ZBED5: variants seen among roughly 807,000 people sequenced by gnomAD.
ZBED5 encodes the protein zinc finger BED-type containing 5.
Under a neutral mutation model 49.2 loss-of-function variants are expected in ZBED5, and 29 were observed. That is an observed-to-expected ratio of 0.59 (90% CI 0.44 to 0.80). The LOEUF (loss-of-function observed/expected upper bound fraction) is 0.80, where lower values mean the gene tolerates loss of function less well. ZBED5 is among the 30% of genes least tolerant of loss of function. The pLI, the probability that ZBED5 is intolerant of heterozygous loss-of-function variation, is 0.00. For missense variants in ZBED5, 775 were observed against 812.9 expected, an observed-to-expected ratio of 0.95 and a Z score of 0.57; for synonymous variants, 281 against 292.5, an observed-to-expected ratio of 0.96 and a Z score of 0.40.
In ZBED5 at chr11:10,853,647, C is replaced by T; in HGVS notation, c.1299G>A (p.Arg433=). 1 of 1,551,624 alleles carries T rather than the reference C, an allele frequency of 6.4e-7. No homozygotes were observed. Among genetic ancestry groups the T allele is most frequent in the East Asian group, 2.4e-5 (1 of 40,924 alleles). The change falls in exon 3 of 3, where the codon AGG becomes AGA. Residue 433 remains arginine (R), a synonymous_variant. Coordinates refer to ENST00000413761, the MANE Select transcript of ZBED5 (RefSeq NM_001143667.2). This position sits in a 1 kb window ranked among gnomAD's most constrained non-coding sequence, Gnocchi z 5.4. The stretch of plus-strand genomic sequence containing the variant: ...CAAGAACTTTACCTCGAGAAAGCCA[C>T]CTCACCTCTGTATTTAGAAGAAGTG... ...HTALLLNTEV[R]WLSRGKVLVR...
intron 1 of ZBED5, among the ~76,000 whole-genome samples, chr11:10,856,496 A>C (rs1460825956): frequency 6.6e-6 from 1 of 152,202 alleles, no homozygotes; most frequent in Non-Finnish European, 1.5e-5. Flanking sequence ...TCATAGAAAC[A>C]TGTTAAAACA....
Position 10,852,771 on chromosome 11 carries a change from T to C in ZBED5, c.*93A>G, listed in dbSNP as rs1397886032. 5 of 1,407,286 alleles carry C rather than the reference T, an allele frequency of 3.6e-6. No homozygotes were observed. Among genetic ancestry groups the C allele is most frequent in the Non-Finnish European group, 4.6e-6 (5 of 1,078,470 alleles). 87.2% of individuals were successfully genotyped at this position (1,407,286 alleles called of 1,614,324 possible). A position where few individuals can be genotyped will look rare whatever the true frequency, so the allele number is the denominator to read the frequency against. ...ATAGTATAAAAAAATGGAATCATTT[T>C]ATTTAAATCCCCCAAATACCAGAGA... On this transcript the variant is annotated 3_prime_UTR_variant, in exon 3 of 3. Coordinates refer to ENST00000413761, the MANE Select transcript of ZBED5 (RefSeq NM_001143667.2).
chr11:10,853,219 T>C lies in ZBED5; in HGVS notation c.1727A>G (p.Asn576Ser). 6.4e-7 allele frequency: 1 copy of C among 1,551,544 alleles called. No homozygotes were observed. The highest frequency in any genetic ancestry group is 8.7e-7 in the Non-Finnish European group (1 of 1,146,852). ...VTNDNNAWVR[N>S]PFTVTVKPAS... is the part of the protein sequence containing the mutation. ...TGGTTTAACAGTAACTGTAAATGGA[T>C]TTCTAACCCAAGCATTATTGTCATT... Residue 576 changes from asparagine to serine, a missense_variant, in exon 3 of 3, where the codon AAT (asparagine) becomes AGT (serine). Physicochemically the swap from Asn to Ser is conservative, Grantham distance 46. Coordinates refer to ENST00000413761, the MANE Select transcript of ZBED5 (RefSeq NM_001143667.2). This position sits in a 1 kb window ranked among gnomAD's most constrained non-coding sequence, Gnocchi z 5.4.
Position 10,853,712 on chromosome 11 carries a change from A to G in ZBED5, c.1234T>C (p.Leu412=). 1 of 1,551,616 alleles carries G rather than the reference A, an allele frequency of 6.4e-7. No homozygotes were observed. The highest frequency in any genetic ancestry group is 1.2e-5 in the South Asian group (1 of 84,060). ...IKARPHQSRL[L]KILCEEMGAQ... ...CCCATTTCCTCACATAAAATTTTTA[A>G]TAGTCTGGATTGATGTGGTCGAGCT... The change falls in exon 3 of 3, where the codon TTA becomes CTA. Residue 412 remains leucine, a synonymous_variant. Transcript: ENST00000413761. This position sits in a 1 kb window ranked among gnomAD's most constrained non-coding sequence, Gnocchi z 5.4.
Position 10,853,968 on chromosome 11 carries a change from A to G in ZBED5, c.978T>C (p.Ser326=). 2 of 1,551,564 alleles carry G rather than the reference A, an allele frequency of 1.3e-6. No homozygotes were observed. The highest frequency in any genetic ancestry group is 1.7e-6 in the Non-Finnish European group (2 of 1,146,932). Residue 326 remains serine (S), a synonymous_variant, in exon 3 of 3, where the codon AGT becomes AGC. Coordinates refer to ENST00000413761, the MANE Select transcript of ZBED5 (RefSeq NM_001143667.2). This position sits in a 1 kb window ranked among gnomAD's most constrained non-coding sequence, Gnocchi z 5.4. ...ATTCAATTTCATGTTTCTGCATAAA[A>G]CTGTTGATACAGTTGAATATTTCTT... ...TGEEIFNCIN[S]FMQKHEIEWE... is the part of the protein sequence containing the mutation.
Position 10,857,019 on chromosome 11 carries a change from G to A in ZBED5, c.-255-762C>T, listed in dbSNP as rs1225190748. Among the ~76,000 whole-genome samples the A allele has an allele frequency of 3.9e-5, 6 of 152,196 alleles. No individual in the cohort carries two copies. The highest frequency in any genetic ancestry group is 1.2e-4 in the African/African-American group (5 of 41,426). On this transcript the variant is annotated intron_variant, in intron 1 of 2. Coordinates refer to ENST00000413761, the MANE Select transcript of ZBED5 (RefSeq NM_001143667.2). The surrounding 1 kb of genome is among the most constrained non-coding windows in gnomAD (Gnocchi z 6.3). ...GATTATAACTGCCAGAAAGTCGAGG[G>A]TCTCATACTAGCAACAGCATAAAGC...
chr11:10,856,063 G>A (rs1178334526), intron 2 of ZBED5, 81 bp downstream of exon 2: 1 of 152,096 alleles, frequency 6.6e-6, no homozygotes, highest in African/African-American at 2.4e-5. Flanking sequence ...TTTATAACCT[G>A]GCTATAGAGT....
rs2232929 is a variant in ZBED5 at position 10,852,993 on chromosome 11, G to A, written c.1953C>T (p.Tyr651=). The stretch of plus-strand genomic sequence containing the variant: ...TCCTATATTTTGTTTTTGTTGCAGC[G>A]TAATATGAAAACCCCGTTTCACACA... ...MHLCETGFSY[Y]AATKTKYRKR... Residue 651 remains tyrosine (Y), a synonymous_variant, in exon 3 of 3, where the codon TAC becomes TAT. Transcript: ENST00000413761. 13,462 of 1,551,552 alleles carry A rather than the reference G, an allele frequency of 8.7e-3. 75 individuals are homozygous for A. The highest frequency in any genetic ancestry group is 0.01 in the Non-Finnish European group (11,916 of 1,146,942).
At position 10,854,793 on chromosome 11, in the gene ZBED5, A is replaced by T. The variant is rs1848158867; in HGVS notation, c.153T>A (p.Ser51=). Residue 51 remains serine (S), a synonymous_variant, in exon 3 of 3, where the codon TCT becomes TCA. Coordinates refer to ENST00000413761, the MANE Select transcript of ZBED5 (RefSeq NM_001143667.2). The surrounding 1 kb of genome is among the most constrained non-coding windows in gnomAD (Gnocchi z 5.0). ...KQGSLKQEVE[S]FCYQIVSESN... ...ATTCAGACACAATCTGATAACAGAA[A>T]GATTCCACTTCTTGTTTAAGACTTC... 6.4e-7 allele frequency: 1 copy of T among 1,552,006 alleles called. No individual in the cohort carries two copies. Among genetic ancestry groups the T allele is most frequent in the Non-Finnish European group, 8.7e-7 (1 of 1,147,036 alleles).
In ZBED5 at chr11:10,854,967, C is replaced by A; in HGVS notation, c.-22G>T. ...TCATCAAAGAGATGATATACAGCAA[C>A]ACATCAGTTAATTTGTAAATGCTGC... On this transcript the variant is annotated 5_prime_UTR_variant, in exon 3 of 3. Coordinates refer to ENST00000413761, the MANE Select transcript of ZBED5 (RefSeq NM_001143667.2). This position sits in a 1 kb window ranked among gnomAD's most constrained non-coding sequence, Gnocchi z 5.0. The A allele has an allele frequency of 6.5e-7, 1 of 1,537,048 alleles. No individual in the cohort carries two copies. The highest frequency in any genetic ancestry group is 8.8e-7 in the Non-Finnish European group (1 of 1,138,500).
At position 10,853,942 on chromosome 11, in the gene ZBED5, C is replaced by G; in HGVS notation, c.1004G>C (p.Trp335Ser). 6.4e-7 allele frequency: 1 copy of G among 1,551,516 alleles called. No individual in the cohort carries two copies. The highest frequency in any genetic ancestry group is 8.7e-7 in the Non-Finnish European group (1 of 1,146,928). The change falls in exon 3 of 3, where the codon TGG (tryptophan) becomes TCG (serine). Residue 335 changes from tryptophan (W) to serine (S), a missense_variant. By Grantham distance (177) the Trp-to-Ser change is radical. Transcript: ENST00000413761. This position sits in a 1 kb window ranked among gnomAD's most constrained non-coding sequence, Gnocchi z 5.4. ...NSFMQKHEIE[W>S]EKCVDVCSDA... is the part of the protein sequence containing the mutation. ...ACTACAAACATCAACACATTTTTCCCATTCAATTTCATGTTTCTGCATAAA... is the reference window on the plus strand; with the variant it reads ...ACTACAAACATCAACACATTTTTCCGATTCAATTTCATGTTTCTGCATAAA...
At position 10,854,100 on chromosome 11, in the gene ZBED5, A is replaced by G. The variant is rs1385779952; in HGVS notation, c.846T>C (p.Asp282=). The change falls in exon 3 of 3, where the codon GAT becomes GAC. Residue 282 remains aspartate (D), a synonymous_variant. Coordinates refer to ENST00000413761, the MANE Select transcript of ZBED5 (RefSeq NM_001143667.2). This position sits in a 1 kb window ranked among gnomAD's most constrained non-coding sequence, Gnocchi z 5.0. ...CAAGCAGCACAGCAAGTCCTGAAAC[A>G]TCAGCTGATTCATCTAGTTGCAGTG... is the stretch of plus-strand genomic sequence containing the variant. ...GFSLQLDESA[D]VSGLAVLLVF... is the part of the protein sequence containing the mutation. The G allele has an allele frequency of 7.1e-6, 11 of 1,550,514 alleles. No homozygotes were observed. The Admixed American group carries it at 2.0e-4, about 28-fold the overall frequency.
In ZBED5 at chr11:10,855,666, A is replaced by G. The variant is rs934477749; in HGVS notation, c.-142+478T>C. ...GAAGAAGTGAATTAAACACACACAC[A>G]GTTCCAAGTTTTGCGAGATACATAA... On this transcript the variant is annotated intron_variant, in intron 2 of 2. Transcript: ENST00000413761. This position sits in a 1 kb window ranked among gnomAD's most constrained non-coding sequence, Gnocchi z 4.1. The G allele has an allele frequency of 6.6e-6, 1 of 152,230 alleles. No homozygotes were observed. The highest frequency in any genetic ancestry group is 1.5e-5 in the Non-Finnish European group (1 of 68,036). 9.4% of individuals were successfully genotyped at this position (152,230 alleles called of 1,614,324 possible).
At position 10,855,324 on chromosome 11, in the gene ZBED5, C is replaced by T. The variant is rs978307486; in HGVS notation, c.-141-238G>A. 6.6e-6 allele frequency among the ~76,000 whole-genome samples: 1 copy of T among 151,674 alleles called. No individual in the cohort carries two copies. Among genetic ancestry groups the T allele is most frequent in the South Asian group, 2.1e-4 (1 of 4,798 alleles). Reference sequence around the variant, plus strand: ...TTATACATATTTTTAAGAAAGGGACCCTGAAGAATATGTCCCATGGCAGGG... The same window carrying T: ...TTATACATATTTTTAAGAAAGGGACTCTGAAGAATATGTCCCATGGCAGGG... On this transcript the variant is annotated intron_variant, in intron 2 of 2. Transcript: ENST00000413761. This position sits in a 1 kb window ranked among gnomAD's most constrained non-coding sequence, Gnocchi z 4.1.
rs1296044356 is a variant in ZBED5 at position 10,854,941 on chromosome 11, A to G, written c.5T>C (p.Ile2Thr). ...AGACAGGATACAAAGAAGAGGAGCA[A>G]TCATCAAAGAGATGATATACAGCAA... The part of the protein sequence containing the change: M[I>T]APLLCILSYN... The change falls in exon 3 of 3, where the codon ATT (isoleucine) becomes ACT (threonine). Residue 2 changes from isoleucine (I) to threonine (T), a missense_variant. Ile to Thr is a moderately conservative substitution (Grantham distance 89, BLOSUM62 -1). Coordinates refer to ENST00000413761, the MANE Select transcript of ZBED5 (RefSeq NM_001143667.2). This position sits in a 1 kb window ranked among gnomAD's most constrained non-coding sequence, Gnocchi z 5.0. 7 of 1,548,172 alleles carry G rather than the reference A, an allele frequency of 4.5e-6. No homozygotes were observed. The highest frequency in any genetic ancestry group is 3.4e-4 in the Middle Eastern group (2 of 5,806).
In ZBED5 at chr11:10,854,157, A is replaced by C. The variant is rs1317260544; in HGVS notation, c.789T>G (p.Leu263=). ...KDLAADIEEE[L]VCRLKICDGF... ...CATCGCAAATTTTCAGTCTACAAACAAGCTCTTCTTCAATGTCAGCAGCTA... is the reference window on the plus strand; with the variant it reads ...CATCGCAAATTTTCAGTCTACAAACCAGCTCTTCTTCAATGTCAGCAGCTA... The change falls in exon 3 of 3, where the codon CTT becomes CTG. Residue 263 remains leucine (L), a synonymous_variant. Transcript: ENST00000413761. This position sits in a 1 kb window ranked among gnomAD's most constrained non-coding sequence, Gnocchi z 5.0. The C allele has an allele frequency of 3.2e-6, 5 of 1,551,104 alleles. No individual in the cohort carries two copies. Among genetic ancestry groups the C allele is most frequent in the Non-Finnish European group, 4.4e-6 (5 of 1,146,600 alleles).
At position 10,857,239 on chromosome 11, in the gene ZBED5, C is replaced by A. The variant is rs1397581644; in HGVS notation, c.-256+623G>T. ...CAACCCCACCTCTTCGAAGGTGTTT[C>A]CCCGAATTTCTCGAGGACAAAGAAT... On this transcript the variant is annotated intron_variant, in intron 1 of 2. Transcript: ENST00000413761. The surrounding 1 kb of genome is among the most constrained non-coding windows in gnomAD (Gnocchi z 6.3). The A allele has an allele frequency of 4.6e-5, 7 of 152,222 alleles. No individual in the cohort carries two copies. Among genetic ancestry groups the A allele is most frequent in the Non-Finnish European group, 1.0e-4 (7 of 68,048 alleles). The allele number at this position is 152,222 out of a possible 1,614,324, so 9.4% of individuals were successfully genotyped here.
In ZBED5 at chr11:10,856,212, A is replaced by T. The variant is rs1163732894; in HGVS notation, c.-210T>A. ...TGGCAGCTTGAAATGCACTCTTCAA[A>T]AGAATAAAATTAAGGGATGGGGTGG... On this transcript the variant is annotated 5_prime_UTR_variant, in exon 2 of 3. Transcript: ENST00000413761. 2 of 152,178 alleles carry T rather than the reference A, an allele frequency of 1.3e-5. No individual in the cohort carries two copies. The highest frequency in any genetic ancestry group is 2.9e-5 in the Non-Finnish European group (2 of 68,024). 9.4% of individuals were successfully genotyped at this position (152,178 alleles called of 1,614,324 possible).
rs1412702641 is a variant in ZBED5 at position 10,855,925 on chromosome 11, T to C, written c.-142+219A>G. On this transcript the variant is annotated intron_variant, in intron 2 of 2. Transcript: ENST00000413761. The surrounding 1 kb of genome is among the most constrained non-coding windows in gnomAD (Gnocchi z 4.1). ...AACTCTCATTTAAGAGGTTTATTTC[T>C]CATATAATAAAACAAATCAAAATTA... 1 of 152,142 alleles carries C rather than the reference T, an allele frequency of 6.6e-6. No individual in the cohort carries two copies. The highest frequency in any genetic ancestry group is 1.5e-5 in the Non-Finnish European group (1 of 68,028). The allele number at this position is 152,142 out of a possible 1,614,324, so 9.4% of individuals were successfully genotyped here.
Sources: gnomAD v4.1 joint callset for allele counts (sites outside exome capture counted in the v4.1 genomes callset) on GRCh38, gnomAD v4.1.1 for gene constraint, Gnocchi (gnomAD v3.1) non-coding constraint, MANE v1.5 for transcripts, NCBI Gene and HGNC (gene_info 2026-07-23, HGNC 2026-07-21) for gene names.